GRIK1: variants seen among roughly 807,000 people sequenced by gnomAD.
GRIK1 encodes glutamate ionotropic receptor kainate type subunit 1, also known as glutamate receptor ionotropic, kainate 1.
GRIK1 carries 69 observed loss-of-function variants against 105.7 expected under a neutral mutation model. The observed-to-expected ratio is 0.65, with a 90% confidence interval of 0.54 to 0.80. The LOEUF (loss-of-function observed/expected upper bound fraction) is 0.80, where lower values mean the gene tolerates loss of function less well. Among genes scored for constraint, GRIK1 ranks in the 30% least tolerant of loss-of-function variants. The pLI is 0.00. For synonymous variants in GRIK1, 438 were observed against 431.3 expected (o/e 1.02, Z -0.19); for missense variants, 1,109 against 1,167.3 (o/e 0.95, Z 0.73).
intron 16 of GRIK1, among the ~76,000 whole-genome samples, chr21:29,552,571 T>C (rs1216897613): frequency 6.6e-6 from 1 of 152,054 alleles, no homozygotes; most frequent in African/African-American, 2.4e-5. Flanking sequence ...GAAATAACTG[T>C]GAAAATGGTG....
At chr21:29,890,671 G>A (rs112614151) in intron 1 of GRIK1, among the ~76,000 whole-genome samples, 135 of 152,190 alleles carry the variant, frequency 8.9e-4, no homozygotes, top group African/African-American at 2.8e-3. Context: ...ATTTTAACAG[G>A]AAGTGCCAAT....
In GRIK1 at chr21:29,560,539, T is replaced by C. The variant is rs1460003172; in HGVS notation, c.2356+1085A>G. Among the ~76,000 whole-genome samples the C allele has an allele frequency of 1.4e-3, 151 of 106,198 alleles. 3 individuals carry two copies. Among genetic ancestry groups the C allele is most frequent in the African/African-American group, 6.0e-3 (141 of 23,374 alleles). 69.7% of individuals were successfully genotyped at this position (106,198 alleles called of 152,430 possible). On this transcript the variant is annotated intron_variant, in intron 15 of 17. Coordinates refer to ENST00000327783, the MANE Select transcript of GRIK1 (RefSeq NM_001330994.2). Reference sequence around the variant, plus strand: ...TCCTTCCTTTCTTTCTTTCTTTCTTTCTTTCTTTCTTTCTTTCTTTCTTTC... The same window carrying C: ...TCCTTCCTTTCTTTCTTTCTTTCTTCCTTTCTTTCTTTCTTTCTTTCTTTC...
chr21:29,937,335 A>C (rs972118291), intron 1 of GRIK1, among the ~76,000 whole-genome samples: 1 of 152,208 alleles, frequency 6.6e-6, no homozygotes, highest in Non-Finnish European at 1.5e-5. Context: ...AAGGAGTAAC[A>C]CATTTGTACT....
chr21:29,779,869 G>A (rs1172589892), intron 1 of GRIK1, among the ~76,000 whole-genome samples: 1 of 152,130 alleles, frequency 6.6e-6, no homozygotes, highest in Non-Finnish European at 1.5e-5. Flanking sequence ...GATTGGTGAA[G>A]GCTAATTACT....
intron 7 of GRIK1, among the ~76,000 whole-genome samples, chr21:29,630,151 A>G (rs1568910441): frequency 6.6e-6 from 1 of 152,214 alleles, no homozygotes; most frequent in African/African-American, 2.4e-5. Flanking sequence ...GAAAAGAAAG[A>G]GAAGCCAATA....
intron 4 of GRIK1, among the ~76,000 whole-genome samples, chr21:29,660,158 T>A (rs995923893): frequency 1.3e-5 from 2 of 152,160 alleles, no homozygotes; most frequent in Non-Finnish European, 2.9e-5. Context: ...CACAGAACAC[T>A]CATGACCTTG....
Position 29,814,116 on chromosome 21 carries a change from T to A in GRIK1, c.119-120053A>T, listed in dbSNP as rs547780125. 3.0e-3 allele frequency among the ~76,000 whole-genome samples: 443 copies of A among 145,588 alleles called. 4 individuals carry two copies. Among genetic ancestry groups the A allele is most frequent in the East Asian group, 0.012 (57 of 4,890 alleles). ...ATAAAATAATAATAATAATAATAAT[T>A]ATTATTTTTTTTTTTGCTGAGATGG... is the stretch of plus-strand genomic sequence containing the variant. On this transcript the variant is annotated intron_variant, in intron 1 of 17. Coordinates refer to ENST00000327783, the MANE Select transcript of GRIK1 (RefSeq NM_001330994.2).
chr21:29,707,549 G>T (rs1296072498), intron 1 of GRIK1, among the ~76,000 whole-genome samples: 1 of 149,422 alleles, frequency 6.7e-6, no homozygotes, highest in African/African-American at 2.5e-5. Context: ...AGGCTGGAGT[G>T]CAATGGCACT....
chr21:29,635,058 C>T (rs2062367620), intron 7 of GRIK1, among the ~76,000 whole-genome samples: 2 of 152,024 alleles, frequency 1.3e-5, no homozygotes, highest in African/African-American at 4.8e-5. Flanking sequence ...GGGCAGTGGG[C>T]AAAGAAGGTT....
intron 1 of GRIK1, among the ~76,000 whole-genome samples, chr21:29,837,987 A>C (rs908104922): frequency 6.6e-6 from 1 of 152,334 alleles, no homozygotes; most frequent in African/African-American, 2.4e-5. Context: ...AATAGGTTTG[A>C]TTATACACTA....
chr21:29,794,085 G>T (rs1348905553), intron 1 of GRIK1, among the ~76,000 whole-genome samples: 1 of 152,002 alleles, frequency 6.6e-6, no homozygotes, highest in Non-Finnish European at 1.5e-5. Flanking sequence ...ACAAAAACCT[G>T]ATTTTACTTC....
At chr21:29,924,621 A>T (rs1205513648) in intron 1 of GRIK1, among the ~76,000 whole-genome samples, 1 of 152,128 alleles carries the variant, frequency 6.6e-6, no homozygotes, top group Admixed American at 6.5e-5. Context: ...CATGGTATTT[A>T]ATCTTAATGT....
At chr21:29,667,195 A>G (rs908863469) in intron 4 of GRIK1, among the ~76,000 whole-genome samples, 3 of 152,242 alleles carry the variant, frequency 2.0e-5, no homozygotes, top group Non-Finnish European at 2.9e-5. Context: ...GATGTTTTCT[A>G]TAGTGAGAGA....
At chr21:29,580,027 GTA>G (rs1194721350) in intron 13 of GRIK1, among the ~76,000 whole-genome samples, 1 of 136,566 alleles carries the variant, frequency 7.3e-6, no homozygotes, top group Non-Finnish European at 1.5e-5. Context: ...GTGTATATAT[GTA>G]TATATGTGTA....
At chr21:29,744,902 C>T (rs1337308753) in intron 1 of GRIK1, among the ~76,000 whole-genome samples, 1 of 152,198 alleles carries the variant, frequency 6.6e-6, no homozygotes, top group African/African-American at 2.4e-5. Context: ...AGAGGAAAGT[C>T]GGCTTAGAGA....
At chr21:29,634,906 G>T (rs769776396) in intron 7 of GRIK1, among the ~76,000 whole-genome samples, 4 of 152,158 alleles carry the variant, frequency 2.6e-5, no homozygotes, top group Non-Finnish European at 1.5e-5. Flanking sequence ...GAGCAAGTTT[G>T]TGTTCGTAAA....
intron 1 of GRIK1, among the ~76,000 whole-genome samples, chr21:29,896,385 T>C (rs1395366195): frequency 6.6e-6 from 1 of 152,228 alleles, no homozygotes; most frequent in Non-Finnish European, 1.5e-5. Context: ...TATTGCAACT[T>C]AATATGCTAC....
At chr21:29,718,723 C>T (rs2064240651) in intron 1 of GRIK1, among the ~76,000 whole-genome samples, 2 of 152,132 alleles carry the variant, frequency 1.3e-5, no homozygotes, top group South Asian at 4.1e-4. Context: ...ACATGTTTAC[C>T]GCCAAGACAT....
At chr21:29,549,717 G>A (rs1019323688) in intron 16 of GRIK1, among the ~76,000 whole-genome samples, 1 of 151,918 alleles carries the variant, frequency 6.6e-6, no homozygotes, top group Non-Finnish European at 1.5e-5. Flanking sequence ...TCTACAGTTC[G>A]CTTGAAATGC....
Sources: allele counts gnomAD v4.1 joint callset (sites outside exome capture counted in the v4.1 genomes callset), GRCh38; gene constraint gnomAD v4.1.1; transcripts MANE v1.5; gene names NCBI Gene and HGNC (gene_info 2026-07-23, HGNC 2026-07-21).